The following HSPA12A variants were observed in gnomAD, a reference collection of about 807,000 sequenced individuals.
HSPA12A encodes the protein heat shock 70 kDa protein 12A.
HSPA12A carries 28 observed loss-of-function variants against 69.2 expected under a neutral mutation model. The observed-to-expected ratio is 0.40, with a 90% CI of 0.30 to 0.55. The LOEUF is 0.55. Among genes scored for constraint, HSPA12A ranks in the 20% least tolerant of loss-of-function variants. The pLI is 0.38. For synonymous variants in HSPA12A, 345 were observed against 370.5 expected (o/e 0.93, Z 0.79); for missense variants, 686 against 900.7 (o/e 0.76, Z 3.05).
At chr10:116,783,460 C>T (rs1453488349) in intron 2 of HSPA12A, among the ~76,000 whole-genome samples, 2 of 152,154 alleles carry the variant, frequency 1.3e-5, no homozygotes, top group African/African-American at 2.4e-5. Context: ...AATGAATGAG[C>T]GTGTGGGTGG....
At chr10:116,697,804 A>C in intron 5 of HSPA12A, among the ~76,000 whole-genome samples, 1 of 152,166 alleles carries the variant, frequency 6.6e-6, no homozygotes, top group South Asian at 2.1e-4. Flanking sequence ...CTCCTCAAAG[A>C]AACTCATATC....
chr10:116,730,608 G>A (rs1353634674), intron 1 of HSPA12A, among the ~76,000 whole-genome samples: 1 of 152,202 alleles, frequency 6.6e-6, no homozygotes, highest in Non-Finnish European at 1.5e-5. Context: ...GCCCACAAAG[G>A]AGGCCTGGGG....
chr10:116,808,450 G>T (rs534008415), intron 2 of HSPA12A, among the ~76,000 whole-genome samples: 1 of 152,248 alleles, frequency 6.6e-6, no homozygotes, highest in South Asian at 2.1e-4. Flanking sequence ...TTTGCAGTGT[G>T]GTTTGTGCGT....
intron 2 of HSPA12A, among the ~76,000 whole-genome samples, chr10:116,754,949 T>A (rs1843800566): frequency 1.3e-5 from 2 of 152,132 alleles, no homozygotes; most frequent in Admixed American, 1.3e-4. Context: ...AACAACTATA[T>A]TTATCCATGT....
Position 116,713,554 on chromosome 10 carries a change from G to C in HSPA12A, c.41-6269C>G, listed in dbSNP as rs373485291. Among the ~76,000 whole-genome samples, 24 of 152,230 alleles carry C rather than the reference G, an allele frequency of 1.6e-4. No homozygotes were observed. The East Asian group carries it at 3.5e-3, about 22-fold the overall frequency. On this transcript the variant is annotated intron_variant, in intron 1 of 11. Transcript: ENST00000369209. ...GTTACCCCTCCTACCTCCCTGAATA[G>C]TCCAAGAGATGAAATGTCGCAGGGA...
intron 2 of HSPA12A, among the ~76,000 whole-genome samples, chr10:116,760,985 G>A (rs1191954446): frequency 6.6e-6 from 1 of 151,246 alleles, no homozygotes; most frequent in Non-Finnish European, 1.5e-5. Flanking sequence ...AGATGTACGT[G>A]GGGAAAAGAA....
intron 2 of HSPA12A, among the ~76,000 whole-genome samples, chr10:116,788,129 G>T (rs1177552727): frequency 6.6e-6 from 1 of 152,174 alleles, no homozygotes; most frequent in African/African-American, 2.4e-5. Flanking sequence ...AAACCAACGC[G>T]CGTACATCCT....
intron 1 of HSPA12A, among the ~76,000 whole-genome samples, chr10:116,732,044 G>T (rs1851167540): frequency 6.6e-6 from 1 of 152,054 alleles, no homozygotes; most frequent in South Asian, 2.1e-4. Flanking sequence ...AGAAGTAAGA[G>T]ACAGGGCCAG....
chr10:116,828,206 G>A (rs1039967233), intron 2 of HSPA12A, among the ~76,000 whole-genome samples: 1 of 152,178 alleles, frequency 6.6e-6, no homozygotes, highest in Non-Finnish European at 1.5e-5. Context: ...TCCAAATGTG[G>A]TATGTTTCAT....
chr10:116,844,397 C>G (rs1589737424), intron 1 of HSPA12A, among the ~76,000 whole-genome samples: 2 of 152,310 alleles, frequency 1.3e-5, no homozygotes, highest in East Asian at 3.9e-4. Flanking sequence ...AAAGCCTCCC[C>G]ATTTATTAGC....
At chr10:116,836,686 G>A (rs543803940) in intron 1 of HSPA12A, among the ~76,000 whole-genome samples, 1 of 152,234 alleles carries the variant, frequency 6.6e-6, no homozygotes, top group South Asian at 2.1e-4. Flanking sequence ...AATTTTTGGT[G>A]TGACTGGTGG....
chr10:116,814,739 C>T (rs1845264332), intron 2 of HSPA12A, among the ~76,000 whole-genome samples: 1 of 152,210 alleles, frequency 6.6e-6, no homozygotes, highest in Admixed American at 6.5e-5. Flanking sequence ...GTAAGGACAT[C>T]TGGGAATGAG....
intron 5 of HSPA12A, among the ~76,000 whole-genome samples, chr10:116,695,358 T>G (rs1849855780): frequency 6.6e-6 from 1 of 152,164 alleles, no homozygotes; most frequent in African/African-American, 2.4e-5. Flanking sequence ...TCATGAGAGC[T>G]CCGGTCTCAG....
intron 3 of HSPA12A, among the ~76,000 whole-genome samples, chr10:116,703,847 G>A (rs1330939632): frequency 3.3e-5 from 5 of 152,216 alleles, no homozygotes; most frequent in African/African-American, 1.2e-4. Flanking sequence ...GAGGCCCAGG[G>A]CAACTTTGCC....
chr10:116,818,431 G>A (rs1171038386), intron 2 of HSPA12A, among the ~76,000 whole-genome samples: 21 of 152,024 alleles, frequency 1.4e-4, no homozygotes, highest in Non-Finnish European at 2.9e-4. Context: ...GTATGGAAGG[G>A]GGACACAGTT....
At chr10:116,849,760 C>T (rs1308201966), upstream of HSPA12A, 2 of 1,477,298 alleles carry the variant, frequency 1.4e-6, no homozygotes, top group Admixed American at 2.4e-5. Flanking sequence ...CGCTCTCCTC[C>T]CGCCAACCCC....
At chr10:116,752,885 G>T (rs1554888478) in intron 2 of HSPA12A, among the ~76,000 whole-genome samples, 2 of 152,146 alleles carry the variant, frequency 1.3e-5, no homozygotes, top group East Asian at 3.9e-4. Flanking sequence ...ATTATAACTG[G>T]CCATTACCTA....
intron 2 of HSPA12A, among the ~76,000 whole-genome samples, chr10:116,761,579 T>A (rs1444256369): frequency 0.01 from 1,414 of 138,694 alleles, 15 homozygotes; most frequent in African/African-American, 0.033. Flanking sequence ...GTAAAAAAAA[T>A]AAAAAAAAAA....
chr10:116,847,448 T>C (rs1011364341), intron 1 of HSPA12A, among the ~76,000 whole-genome samples: 3 of 152,206 alleles, frequency 2.0e-5, no homozygotes, highest in African/African-American at 7.2e-5. Context: ...GCCCTTCCTA[T>C]ATTCAGAAAT....
Sources: gnomAD v4.1 joint callset for allele counts (sites outside exome capture counted in the v4.1 genomes callset) on GRCh38, gnomAD v4.1.1 for gene constraint, MANE v1.5 for transcripts, NCBI Gene and HGNC (gene_info 2026-07-23, HGNC 2026-07-21) for gene names.